The following SCNN1B variants were observed in gnomAD, a reference collection of about 807,000 sequenced individuals.
The protein encoded by SCNN1B is sodium channel epithelial 1 subunit beta.
Under a neutral mutation model 65.3 loss-of-function variants are expected in SCNN1B, and 46 were observed. That is an observed-to-expected ratio of 0.70 (90% CI 0.56 to 0.90). The LOEUF (loss-of-function observed/expected upper bound fraction) is 0.90, where lower values mean the gene tolerates loss of function less well. SCNN1B is among the 40% of genes least tolerant of loss of function. The pLI is 0.00. For missense variants in SCNN1B, 751 were observed against 830.5 expected, an observed-to-expected ratio of 0.90 and a Z score of 1.18; for synonymous variants, 349 against 330.6, an observed-to-expected ratio of 1.06 and a Z score of -0.60.
chr16:23,336,371 ATTT>A lies in SCNN1B; in HGVS notation c.-8-12204_-8-12202del, dbSNP rs745716509. 6.7e-3 allele frequency among the ~76,000 whole-genome samples: 902 copies of A among 134,476 alleles called. 8 individuals carry two copies. Among genetic ancestry groups the A allele is most frequent in the Middle Eastern group, 0.015 (4 of 264 alleles). The allele number at this position is 134,476 out of a possible 152,430, so 88.2% of individuals were successfully genotyped here. On this transcript the variant is annotated intron_variant, in intron 1 of 12. Transcript: ENST00000343070. ...TTCCCAAAGGGTGGTAAGCAAGACG[ATTT>A]TTTTTTTTTTTTTTTTGAGACGGAG...
chr16:23,371,560 C>A, intron 6 of SCNN1B, 98 bp downstream of exon 6: 3 of 1,286,798 alleles, frequency 2.3e-6, no homozygotes, highest in South Asian at 1.3e-5. Flanking sequence ...GGGATCTGGG[C>A]CCCCCAGCCC....
intron 2 of SCNN1B, among the ~76,000 whole-genome samples, chr16:23,288,017 A>G (rs528041320): frequency 6.6e-5 from 10 of 150,706 alleles, no homozygotes; most frequent in African/African-American, 2.2e-4. Context: ...TTAGCTGGGC[A>G]TGGTGGTGTG....
intron 2 of SCNN1B, among the ~76,000 whole-genome samples, chr16:23,350,473 A>T (rs1567306894): frequency 6.6e-6 from 1 of 152,232 alleles, no homozygotes; most frequent in Non-Finnish European, 1.5e-5. Flanking sequence ...AAATAAAAAA[A>T]AGTGCCCTAA....
chr16:23,294,501 C>T (rs1235686084), intron 2 of SCNN1B, among the ~76,000 whole-genome samples: 11 of 140,406 alleles, frequency 7.8e-5, no homozygotes, highest in African/African-American at 1.0e-4. Flanking sequence ...CTCTTAGTCT[C>T]TTCTCTTTGT....
chr16:23,317,211 C>CT (rs750807587), intron 1 of SCNN1B, among the ~76,000 whole-genome samples: 7 of 152,224 alleles, frequency 4.6e-5, no homozygotes, highest in Non-Finnish European at 8.8e-5. Context: ...ACAGTTCCTC[C>CT]TCACAGGGCT....
intron 2 of SCNN1B, among the ~76,000 whole-genome samples, chr16:23,290,429 T>C (rs1231787830): frequency 6.6e-6 from 1 of 152,164 alleles, no homozygotes; most frequent in Non-Finnish European, 1.5e-5. Flanking sequence ...CACCTCAGCC[T>C]CCCGAGTAGC....
upstream of SCNN1B, among the ~76,000 whole-genome samples, chr16:23,301,380 A>G (rs1462108383): frequency 6.7e-6 from 1 of 149,498 alleles, no homozygotes; most frequent in Non-Finnish European, 1.5e-5. Flanking sequence ...GAAAGAAAGA[A>G]AGAAGAAAGA....
At chr16:23,335,745 C>T (rs1363343182) in intron 1 of SCNN1B, among the ~76,000 whole-genome samples, 2 of 146,568 alleles carry the variant, frequency 1.4e-5, no homozygotes. Flanking sequence ...CTGTGCCCGG[C>T]CTCTATTTTT....
In SCNN1B at chr16:23,367,807, G is replaced by A. The variant is rs200545293; in HGVS notation, c.777-49G>A. The stretch of plus-strand genomic sequence containing the variant: ...GGTGGACGGCAGACAGTCGGGGGAG[G>A]CATTGCCTGTGGTGGAACCTGCCCT... On this transcript the variant is annotated intron_variant, in intron 4 of 12. Transcript: ENST00000343070. The A allele has an allele frequency of 3.8e-5, 53 of 1,378,116 alleles. 1 individual carries two copies. The Middle Eastern group carries it at 7.2e-4, about 19-fold the overall frequency. 85.4% of individuals were successfully genotyped at this position (1,378,116 alleles called of 1,614,324 possible).
intron 1 of SCNN1B, among the ~76,000 whole-genome samples, chr16:23,321,696 A>G (rs1362185204): frequency 2.0e-5 from 3 of 152,052 alleles, no homozygotes; most frequent in African/African-American, 7.2e-5. Flanking sequence ...CACGTTAGGT[A>G]CTCCGCGGAC....
intron 4 of SCNN1B, among the ~76,000 whole-genome samples, chr16:23,363,798 A>G (rs1455585852): frequency 6.8e-6 from 1 of 147,294 alleles, no homozygotes; most frequent in Non-Finnish European, 1.5e-5. Flanking sequence ...TGGGCAACAG[A>G]GTGACACCCT....
At chr16:23,354,628 T>C (rs1414060088) in intron 3 of SCNN1B, among the ~76,000 whole-genome samples, 5 of 152,328 alleles carry the variant, frequency 3.3e-5, no homozygotes, top group Non-Finnish European at 5.9e-5. Flanking sequence ...GTGTGTTGAG[T>C]TTCTTCTTGG....
At chr16:23,335,097 T>C (rs1961909240) in intron 1 of SCNN1B, among the ~76,000 whole-genome samples, 1 of 152,258 alleles carries the variant, frequency 6.6e-6, no homozygotes, top group South Asian at 2.1e-4. Flanking sequence ...CTGACTGTTT[T>C]GTTCACTGAT....
chr16:23,280,173 G>A (rs922290536), intron 1 of SCNN1B, among the ~76,000 whole-genome samples: 12 of 151,844 alleles, frequency 7.9e-5, no homozygotes, highest in African/African-American at 2.9e-4. Context: ...CTCTTGTTTC[G>A]CTCTTACATG....
upstream of SCNN1B, among the ~76,000 whole-genome samples, chr16:23,297,952 A>T (rs945268074): frequency 1.3e-5 from 2 of 152,220 alleles, no homozygotes; most frequent in Non-Finnish European, 2.9e-5. Context: ...CTTGTCTTCT[A>T]TGCAAAGTAT....
rs769734749 is a variant in SCNN1B, at chr16:23,348,632, G to T, written c.33G>T (p.Leu11=). ...TGAAGAAGTACCTGCTGAAGGGCCT[G>T]CATCGGCTGCAGAAGGGCCCCGGCT... MHVKKYLLKG[L]HRLQKGPGYT... Residue 11 remains leucine (L), a synonymous_variant, in exon 2 of 13, where the codon CTG becomes CTT. Transcript: ENST00000343070. The surrounding 1 kb of genome is among the most constrained non-coding windows in gnomAD (Gnocchi z 4.5). The T allele has an allele frequency of 3.7e-6, 6 of 1,613,364 alleles. No individual in the cohort carries two copies. The highest frequency in any genetic ancestry group is 5.1e-6 in the Non-Finnish European group (6 of 1,179,944).
chr16:23,358,791 C>T (rs951311295), intron 4 of SCNN1B, among the ~76,000 whole-genome samples: 9 of 152,178 alleles, frequency 5.9e-5, no homozygotes, highest in African/African-American at 1.7e-4. Flanking sequence ...CCTGTAATCC[C>T]GGCTACTCAG....
At chr16:23,324,931 C>A (rs1961661859) in intron 1 of SCNN1B, among the ~76,000 whole-genome samples, 1 of 152,262 alleles carries the variant, frequency 6.6e-6, no homozygotes, top group Non-Finnish European at 1.5e-5. Flanking sequence ...GACACAATGA[C>A]ATGGCTCCTG....
chr16:23,362,801 T>G (rs1465913332), intron 4 of SCNN1B, among the ~76,000 whole-genome samples: 3 of 152,264 alleles, frequency 2.0e-5, no homozygotes. Flanking sequence ...TGTGTCCCCA[T>G]GCCCTGGGGC....
Sources: gnomAD v4.1 joint callset for allele counts (sites outside exome capture counted in the v4.1 genomes callset) on GRCh38, gnomAD v4.1.1 for gene constraint, Gnocchi (gnomAD v3.1) non-coding constraint, MANE v1.5 for transcripts, NCBI Gene and HGNC (gene_info 2026-07-23, HGNC 2026-07-21) for gene names.